Variants in TMC1 observed in about 807,000 individuals in gnomAD.
TMC1 encodes the protein transmembrane channel like 1.
TMC1 carries 84 observed loss-of-function variants against 105.8 expected under a neutral mutation model. The ratio of observed to expected loss-of-function variants is 0.79; its 90% CI spans 0.67 to 0.95. The LOEUF is 0.95. TMC1 is among the 40% of genes least tolerant of loss of function. The probability of loss-of-function intolerance (pLI) is 0.00; values close to 1 mark genes in which losing one functional copy is unlikely to be tolerated. For synonymous variants in TMC1, 315 were observed against 311.5 expected, an observed-to-expected ratio of 1.01 and a Z score of -0.12; for missense variants, 817 against 914.1, an observed-to-expected ratio of 0.89 and a Z score of 1.37.
chr9:72,785,837 A>C (rs1828159788), intron 13 of TMC1, among the ~76,000 whole-genome samples: 2 of 152,352 alleles, frequency 1.3e-5, no homozygotes, highest in Non-Finnish European at 2.9e-5. Flanking sequence ...ATTGATCACA[A>C]GTAACTAAAA....
chr9:72,623,080 A>C (rs1825282936), intron 3 of TMC1, among the ~76,000 whole-genome samples: 1 of 150,760 alleles, frequency 6.6e-6, no homozygotes, highest in African/African-American at 2.4e-5. Flanking sequence ...AAGAAAAACA[A>C]CAACAACAAC....
At chr9:72,742,384 A>T (rs1281484330) in intron 9 of TMC1, 60 bp from the exon 10 acceptor site, 2 of 1,332,802 alleles carry the variant, frequency 1.5e-6, no homozygotes, top group Non-Finnish European at 1.1e-6. Context: ...GAGGTGGGGG[A>T]TAAACATCTT....
chr9:72,776,444 A>G (rs1459076597), intron 13 of TMC1, among the ~76,000 whole-genome samples: 1 of 152,194 alleles, frequency 6.6e-6, no homozygotes. Context: ...AAATTACATT[A>G]CTTCTAATCC....
chr9:72,632,606 A>AGCTTCCGTGCATTCTTGGGCTCATC lies in TMC1; in HGVS notation c.-53+4543_-53+4544insGCTTCCGTGCATTCTTGGGCTCATC. Among the ~76,000 whole-genome samples the AGCTTCCGTGCATTCTTGGGCTCATC allele has an allele frequency of 2.0e-5, 3 of 152,310 alleles. No homozygotes were observed. The South Asian group carries it at 6.2e-4, about 32-fold the overall frequency. ...ATTCCTAAGGAACCCACAAAGATAA[A>AGCTTCCGTGCATTCTTGGGCTCATC]ACAAACAGAGCAAGTATGAAAGATG... On this transcript the variant is annotated intron_variant, in intron 4 of 23. Transcript: ENST00000297784.
intron 8 of TMC1, among the ~76,000 whole-genome samples, chr9:72,728,183 G>A (rs1827153487): frequency 6.6e-6 from 1 of 152,086 alleles, no homozygotes; most frequent in Non-Finnish European, 1.5e-5. Context: ...AGCTCACATA[G>A]CATCTTAACA....
intron 8 of TMC1, among the ~76,000 whole-genome samples, chr9:72,709,101 G>A (rs906369498): frequency 6.6e-6 from 1 of 151,790 alleles, no homozygotes; most frequent in Non-Finnish European, 1.5e-5. Flanking sequence ...ATCCTCTCTT[G>A]CTGCATCTAT....
intron 12 of TMC1, among the ~76,000 whole-genome samples, chr9:72,767,547 T>G (rs1220845279): frequency 6.6e-6 from 1 of 152,190 alleles, no homozygotes; most frequent in Non-Finnish European, 1.5e-5. Flanking sequence ...TAAGTGTTAG[T>G]TAGAAAAGTA....
intron 5 of TMC1, among the ~76,000 whole-genome samples, chr9:72,650,170 T>G (rs1174997472): frequency 6.6e-6 from 1 of 152,158 alleles, no homozygotes. Context: ...TTATCAACAT[T>G]TGGGTATTCT....
At chr9:72,598,385 G>C (rs1437760574) in intron 2 of TMC1, among the ~76,000 whole-genome samples, 2 of 151,782 alleles carry the variant, frequency 1.3e-5, no homozygotes, top group Admixed American at 6.6e-5. Flanking sequence ...TCCTTCTCCT[G>C]TTCCTTGACC....
At position 72,538,071 on chromosome 9, in the gene TMC1, A is replaced by T. The variant is rs993502246; in HGVS notation, c.-428+16158A>T. ...CTCGAGAGACTGGGGCAGGAGGATTACTTGAGCCCAGGAGGCAGAGGTTGC... is the reference window on the plus strand; with the variant it reads ...CTCGAGAGACTGGGGCAGGAGGATTTCTTGAGCCCAGGAGGCAGAGGTTGC... On this transcript the variant is annotated intron_variant, in intron 1 of 23. Transcript: ENST00000297784. Among the ~76,000 whole-genome samples, 4 of 151,644 alleles carry T rather than the reference A, an allele frequency of 2.6e-5. No homozygotes were observed. In the South Asian group the frequency reaches 6.2e-4, roughly 24 times the overall value.
chr9:72,584,942 G>A (rs10781103), intron 2 of TMC1, among the ~76,000 whole-genome samples: 67,835 of 150,596 alleles, frequency 0.45, 17,296 homozygotes, highest in African/African-American at 0.7. Context: ...GCACTACCAC[G>A]CCTGGCTAAT....
chr9:72,660,130 C>A (rs1308700396), intron 5 of TMC1, among the ~76,000 whole-genome samples: 2 of 152,054 alleles, frequency 1.3e-5, no homozygotes, highest in African/African-American at 4.8e-5. Context: ...AAAGTGTGAA[C>A]TGAATATGGA....
At chr9:72,821,207 A>T in intron 20 of TMC1, 126 bp downstream of exon 20, 1 of 1,458,610 alleles carries the variant, frequency 6.9e-7, no homozygotes, top group Non-Finnish European at 9.5e-7. Flanking sequence ...TGGAAATGAG[A>T]TCCCGGCTGG....
chr9:72,650,317 G>T lies in TMC1; in HGVS notation c.16+1653G>T, dbSNP rs184250914. ...TGGAAAAAAATGATAGACTTGCCTG[G>T]TGTGGTTTGCATAATGTCACAGAAT... On this transcript the variant is annotated intron_variant, in intron 5 of 23. Coordinates refer to ENST00000297784, the MANE Select transcript of TMC1 (RefSeq NM_138691.3). Among the ~76,000 whole-genome samples, 18 of 152,234 alleles carry T rather than the reference G, an allele frequency of 1.2e-4. No homozygotes were observed. The East Asian group carries it at 3.5e-3, about 29-fold the overall frequency.
chr9:72,781,121 T>G (rs1242017453), intron 13 of TMC1, among the ~76,000 whole-genome samples: 3 of 152,178 alleles, frequency 2.0e-5, no homozygotes, highest in Non-Finnish European at 4.4e-5. Context: ...AACAACATTC[T>G]TGGATCACAG....
chr9:72,686,149 G>A lies in TMC1; in HGVS notation c.17-2560G>A, dbSNP rs532544676. Reference sequence around the variant, plus strand: ...CTCTTTTAACTACACATACTTCAATGCAGTTTTGCTTGCTGCCTCCAACAT... The same window carrying A: ...CTCTTTTAACTACACATACTTCAATACAGTTTTGCTTGCTGCCTCCAACAT... On this transcript the variant is annotated intron_variant, in intron 5 of 23. Transcript: ENST00000297784. Among the ~76,000 whole-genome samples the A allele has an allele frequency of 3.3e-5, 5 of 152,240 alleles. No individual in the cohort carries two copies. In the East Asian group the frequency reaches 7.7e-4, roughly 24 times the overall value.
chr9:72,566,293 C>T (rs2132084556), intron 1 of TMC1, among the ~76,000 whole-genome samples: 1 of 152,304 alleles, frequency 6.6e-6, no homozygotes, highest in South Asian at 2.1e-4. Flanking sequence ...GCTTTAGCAT[C>T]CTAAACCACT....
In TMC1 at chr9:72,760,071, A is replaced by G. The variant is rs1021723190; in HGVS notation, c.741+5187A>G. Reference sequence around the variant, plus strand: ...GAGCTTTCATGTTTTTTTTTCCTAAATTCTTTTTGTATCATTTAAATATTA... The same window carrying G: ...GAGCTTTCATGTTTTTTTTTCCTAAGTTCTTTTTGTATCATTTAAATATTA... On this transcript the variant is annotated intron_variant, in intron 12 of 23. Coordinates refer to ENST00000297784, the MANE Select transcript of TMC1 (RefSeq NM_138691.3). Among the ~76,000 whole-genome samples the G allele has an allele frequency of 5.3e-5, 8 of 152,196 alleles. No individual in the cohort carries two copies. The South Asian group carries it at 1.2e-3, about 24-fold the overall frequency.
At chr9:72,655,732 A>T in intron 5 of TMC1, 1 of 440,034 alleles carries the variant, frequency 2.3e-6, no homozygotes. Flanking sequence ...ACAGACCGAG[A>T]ATCCGTATCA....
Sources: gnomAD v4.1 joint callset for allele counts (sites outside exome capture counted in the v4.1 genomes callset) on GRCh38, gnomAD v4.1.1 for gene constraint, MANE v1.5 for transcripts, NCBI Gene and HGNC (gene_info 2026-07-23, HGNC 2026-07-21) for gene names.